The following DCT variants were observed in gnomAD, a reference collection of about 807,000 sequenced individuals.
The protein encoded by DCT is L-dopachrome tautomerase.
In DCT, 47 loss-of-function variants were observed where a neutral mutation model predicts 53.0. The ratio of observed to expected loss-of-function variants is 0.89; its 90% confidence interval spans 0.70 to 1.13. The LOEUF (loss-of-function observed/expected upper bound fraction) is 1.13, where lower values mean the gene tolerates loss of function less well. Among genes scored for constraint, DCT ranks in the 50% most tolerant of loss-of-function variants. DCT has a pLI of 0.00. For missense variants in DCT, 669 were observed against 637.4 expected, an observed-to-expected ratio of 1.05 and a Z score of -0.53; for synonymous variants, 244 against 237.0, an observed-to-expected ratio of 1.03 and a Z score of -0.27.
chr13:94,472,568 ATTTTTTTTTTTTTTT>A (rs869190962), intron 1 of DCT, among the ~76,000 whole-genome samples: 1 of 15,034 alleles, frequency 6.7e-5, no homozygotes, highest in Non-Finnish European at 1.0e-4. Flanking sequence ...ATATATATAT[ATTTTTTTTTTTTTTT>A]TTTTTTTTTT....
At chr13:94,493,770 A>G in the DCT span, among the ~76,000 whole-genome samples, 3 of 152,304 alleles carry the variant, frequency 2.0e-5, no homozygotes, top group African/African-American at 7.2e-5. Context: ...AGTGGAATGC[A>G]GCGGGTTTTT....
At chr13:94,493,319 A>G in the DCT span, among the ~76,000 whole-genome samples, 4 of 152,320 alleles carry the variant, frequency 2.6e-5, no homozygotes, top group East Asian at 5.8e-4. Context: ...TGACAAAAAT[A>G]GTACATATAA....
the DCT span, among the ~76,000 whole-genome samples, chr13:94,498,717 G>A: frequency 2.0e-5 from 3 of 152,204 alleles, no homozygotes; most frequent in East Asian, 5.8e-4. Flanking sequence ...TTCCTGGGTC[G>A]AGTGGGGACT....
intron 6 of DCT, among the ~76,000 whole-genome samples, chr13:94,457,062 G>A (rs1566823155): frequency 1.3e-5 from 2 of 152,208 alleles, no homozygotes; most frequent in South Asian, 4.1e-4. Flanking sequence ...CGCAGGAGGC[G>A]GAGGTTGCAG....
intron 1 of DCT, among the ~76,000 whole-genome samples, chr13:94,478,354 G>A (rs762800778): frequency 7.0e-4 from 106 of 152,220 alleles, no homozygotes; most frequent in Admixed American, 1.4e-3. Context: ...GCGGGTGCCT[G>A]TAATCCCAGC....
chr13:94,460,232 A>G lies in DCT; in HGVS notation c.1044-6T>C. The G allele has an allele frequency of 6.2e-7, 1 of 1,612,670 alleles. No individual in the cohort carries two copies. Among genetic ancestry groups the G allele is most frequent in the South Asian group, 1.1e-5 (1 of 90,976 alleles). ...CAAACCCTTCCAAAGCATTCCTAGGAGAAACAAGTATATCAGTGACAACAG... is the reference window on the plus strand; with the variant it reads ...CAAACCCTTCCAAAGCATTCCTAGGGGAAACAAGTATATCAGTGACAACAG... On this transcript the variant is annotated splice_region_variant and splice_polypyrimidine_tract_variant and intron_variant, in intron 5 of 7. Transcript: ENST00000377028.
the DCT span, among the ~76,000 whole-genome samples, chr13:94,487,017 G>C: frequency 6.6e-6 from 1 of 152,180 alleles, no homozygotes. Flanking sequence ...TAAAAATTTG[G>C]TATAAGTGAA....
At chr13:94,446,800 C>T (rs977850407) in intron 6 of DCT, among the ~76,000 whole-genome samples, 1 of 152,148 alleles carries the variant, frequency 6.6e-6, no homozygotes, top group Non-Finnish European at 1.5e-5. Flanking sequence ...CCTTGTAGAT[C>T]TCTATCTTCA....
chr13:94,490,022 T>C, the DCT span, among the ~76,000 whole-genome samples: 2 of 152,142 alleles, frequency 1.3e-5, no homozygotes, highest in Non-Finnish European at 2.9e-5. Context: ...ATGACAAATA[T>C]AGGTGGAGGC....
intron 4 of DCT, among the ~76,000 whole-genome samples, chr13:94,464,747 G>A (rs930781846): frequency 1.1e-4 from 17 of 152,150 alleles, no homozygotes; most frequent in Admixed American, 4.6e-4. Context: ...GCTGAAATGT[G>A]TTCCAGGTGT....
the DCT span, among the ~76,000 whole-genome samples, chr13:94,530,615 A>C: frequency 6.6e-6 from 1 of 152,204 alleles, no homozygotes; most frequent in African/African-American, 2.4e-5. Flanking sequence ...ACTCTCAGTA[A>C]ACTAGGTATT....
At chr13:94,490,745 TTTG>T in the DCT span, among the ~76,000 whole-genome samples, 1 of 145,396 alleles carries the variant, frequency 6.9e-6, no homozygotes, top group Non-Finnish European at 1.5e-5. Flanking sequence ...AAATGTAAAT[TTTG>T]TTGTAATGAA....
At chr13:94,441,962 G>A (rs912215603) in intron 7 of DCT, among the ~76,000 whole-genome samples, 1 of 152,014 alleles carries the variant, frequency 6.6e-6, no homozygotes, top group Non-Finnish European at 1.5e-5. Context: ...ATTCCCACCA[G>A]CAATGCACAA....
At chr13:94,446,578 T>C (rs1199588978) in intron 6 of DCT, among the ~76,000 whole-genome samples, 1 of 152,250 alleles carries the variant, frequency 6.6e-6, no homozygotes, top group African/African-American at 2.4e-5. Context: ...ATTTGTTTGC[T>C]CAGGCTGCTG....
chr13:94,460,139 G>T lies in DCT; in HGVS notation c.1131C>A (p.Asn377Lys). The change falls in exon 6 of 8, where the codon AAC becomes AAA. Residue 377 changes from asparagine to lysine, a missense_variant. By Grantham distance (94) the Asn-to-Lys change is moderately conservative. Transcript: ENST00000377028. ...CTGAATGTGGCAAAGCGTTTGTCCC[G>T]TTCAGGAAGGAATGAACCAAATTAT... is the stretch of plus-strand genomic sequence containing the variant. ...SLHNLVHSFL[N>K]GTNALPHSAA... 2 of 1,614,042 alleles carry T rather than the reference G, an allele frequency of 1.2e-6. No individual in the cohort carries two copies. The highest frequency in any genetic ancestry group is 1.7e-6 in the Non-Finnish European group (2 of 1,179,972).
chr13:94,520,119 A>G, the DCT span, among the ~76,000 whole-genome samples: 2 of 152,204 alleles, frequency 1.3e-5, no homozygotes, highest in Non-Finnish European at 2.9e-5. Context: ...CAAAATTAAA[A>G]TTAGAGTCAA....
chr13:94,474,786 C>A (rs1884969429), intron 1 of DCT, among the ~76,000 whole-genome samples: 1 of 152,160 alleles, frequency 6.6e-6, no homozygotes, highest in Non-Finnish European at 1.5e-5. Context: ...CAGAGAATTT[C>A]ACCATAGAAT....
chr13:94,464,872 G>A (rs187618069), intron 4 of DCT, among the ~76,000 whole-genome samples: 7 of 152,122 alleles, frequency 4.6e-5, no homozygotes, highest in Middle Eastern at 3.4e-3. Context: ...ATCCTTCCCC[G>A]GCTGGCCCCA....
chr13:94,493,836 A>G, the DCT span, among the ~76,000 whole-genome samples: 1 of 152,300 alleles, frequency 6.6e-6, no homozygotes, highest in Admixed American at 6.5e-5. Context: ...GTCATTATAC[A>G]TTTGTCAAAT....
Sources: gnomAD v4.1 joint callset for allele counts (sites outside exome capture counted in the v4.1 genomes callset) on GRCh38, gnomAD v4.1.1 for gene constraint, MANE v1.5 for transcripts, NCBI Gene and HGNC (gene_info 2026-07-23, HGNC 2026-07-21) for gene names.